Variants in IL1R1 observed in about 807,000 individuals in gnomAD.
IL1R1 encodes the protein interleukin 1 receptor type 1.
In IL1R1, 22 loss-of-function variants were observed where a neutral mutation model predicts 50.2. The ratio of observed to expected loss-of-function variants is 0.44; its 90% CI spans 0.31 to 0.63. The LOEUF (loss-of-function observed/expected upper bound fraction) is 0.63. Among genes scored for constraint, IL1R1 ranks in the 20% least tolerant of loss-of-function variants. IL1R1 has a pLI of 0.07. For missense variants in IL1R1, 509 were observed against 676.2 expected (o/e 0.75, Z 2.74); for synonymous variants, 251 against 236.7 (o/e 1.06, Z -0.55).
chr2:102,165,175 C>A lies in IL1R1; in HGVS notation c.357C>A (p.Asn119Lys). 6.3e-7 allele frequency: 1 copy of A among 1,595,234 alleles called. No individual in the cohort carries two copies. The highest frequency in any genetic ancestry group is 8.5e-7 in the Non-Finnish European group (1 of 1,174,970). Residue 119 changes from asparagine to lysine, a missense_variant, in exon 5 of 12, where the codon AAC becomes AAA. Asn to Lys is a moderately conservative substitution (Grantham distance 94). Transcript: ENST00000410023. ...CAAAATTTGTGGAGAATGAGCCTAA[C>A]TTATGTTATAATGCACAAGCCATAT... is the stretch of plus-strand genomic sequence containing the variant. The part of the protein sequence containing the change: ...ISAKFVENEP[N>K]LCYNAQAIFK...
rs79985999 is a variant in IL1R1, at chr2:102,165,061, A to G, written c.296+53A>G. The G allele has an allele frequency of 9.0e-4, 1,413 of 1,563,018 alleles. 9 individuals are homozygous for G. In the African/African-American group the frequency reaches 0.018, roughly 19 times the overall value. ...CATGTTCTAGTTTCCTGCAGTTGTT[A>G]AGGACAGAAATACTTTTAATAATGC... On this transcript the variant is annotated intron_variant, in intron 4 of 11. Transcript: ENST00000410023.
chr2:102,153,417 C>T (rs1217119565), intron 1 of IL1R1, among the ~76,000 whole-genome samples: 2 of 152,150 alleles, frequency 1.3e-5, no homozygotes, highest in African/African-American at 2.4e-5. Flanking sequence ...TGAAAGTATC[C>T]TTTCCCCAAG....
intron 1 of IL1R1, among the ~76,000 whole-genome samples, chr2:102,110,190 T>C (rs13020401): frequency 0.28 from 42,456 of 151,998 alleles, 6,824 homozygotes; most frequent in African/African-American, 0.45. Flanking sequence ...ACTCATAGTG[T>C]GCACCATTCT....
At chr2:102,134,627 C>T (rs969307248) in intron 1 of IL1R1, among the ~76,000 whole-genome samples, 34 of 152,156 alleles carry the variant, frequency 2.2e-4, no homozygotes, top group Non-Finnish European at 4.9e-4. Flanking sequence ...ATCCGTCCAC[C>T]TCGGCCTCCA....
chr2:102,116,742 G>T (rs1285114894), intron 1 of IL1R1, among the ~76,000 whole-genome samples: 5 of 152,330 alleles, frequency 3.3e-5, no homozygotes, highest in African/African-American at 1.2e-4. Flanking sequence ...ATCCACCCGT[G>T]CTGAAAACCT....
chr2:102,152,099 C>T (rs1241820646), intron 1 of IL1R1, among the ~76,000 whole-genome samples: 1 of 152,002 alleles, frequency 6.6e-6, no homozygotes, highest in Non-Finnish European at 1.5e-5. Flanking sequence ...GAGCAGTGAG[C>T]TTAGAGGGCA....
At chr2:102,087,334 A>T (rs1679472953) in intron 1 of IL1R1, among the ~76,000 whole-genome samples, 1 of 152,222 alleles carries the variant, frequency 6.6e-6, no homozygotes, top group Admixed American at 6.5e-5. Flanking sequence ...TGCCACAGCG[A>T]TCAACTCTTC....
chr2:102,162,681 G>GTA (rs1283209505), intron 3 of IL1R1, among the ~76,000 whole-genome samples: 2 of 151,860 alleles, frequency 1.3e-5, no homozygotes, highest in East Asian at 1.9e-4. Context: ...AAAGTTAAGA[G>GTA]TATATACCCA....
intron 3 of IL1R1, among the ~76,000 whole-genome samples, chr2:102,160,791 C>G (rs1684648507): frequency 6.6e-6 from 1 of 152,162 alleles, no homozygotes; most frequent in Admixed American, 6.5e-5. Flanking sequence ...AGATGCTGGC[C>G]TAGGCTTTCC....
intron 1 of IL1R1, among the ~76,000 whole-genome samples, chr2:102,121,504 T>G (rs1374770986): frequency 6.6e-6 from 1 of 152,192 alleles, no homozygotes; most frequent in Non-Finnish European, 1.5e-5. Flanking sequence ...GCTGAGCTCT[T>G]GCCTTCCTTC....
intron 1 of IL1R1, among the ~76,000 whole-genome samples, chr2:102,095,570 T>C (rs943446245): frequency 6.6e-6 from 1 of 152,220 alleles, no homozygotes; most frequent in African/African-American, 2.4e-5. Context: ...TAGAACATAA[T>C]TGGCATCTTT....
At chr2:102,128,774 G>A (rs2104410519) in intron 1 of IL1R1, among the ~76,000 whole-genome samples, 1 of 152,310 alleles carries the variant, frequency 6.6e-6, no homozygotes, top group South Asian at 2.1e-4. Context: ...TGGTAGAACA[G>A]TAAAAGGCAG....
At chr2:102,107,737 G>A (rs190740857) in intron 1 of IL1R1, among the ~76,000 whole-genome samples, 2 of 152,180 alleles carry the variant, frequency 1.3e-5, no homozygotes, top group African/African-American at 2.4e-5. Context: ...AAATCTGCTG[G>A]TTTCCAGTTC....
chr2:102,148,284 G>A (rs114698808), intron 1 of IL1R1, among the ~76,000 whole-genome samples: 1 of 152,188 alleles, frequency 6.6e-6, no homozygotes, highest in Non-Finnish European at 1.5e-5. Context: ...GGAAGTTCCT[G>A]GGTGGGCTCT....
chr2:102,077,434 C>G (rs2104279434), intron 1 of IL1R1, among the ~76,000 whole-genome samples: 1 of 152,308 alleles, frequency 6.6e-6, no homozygotes, highest in East Asian at 1.9e-4. Flanking sequence ...TGTGTTTTCT[C>G]AAATCTAAGA....
upstream of IL1R1, among the ~76,000 whole-genome samples, chr2:102,101,150 G>A (rs1340212119): frequency 6.6e-6 from 1 of 152,172 alleles, no homozygotes; most frequent in African/African-American, 2.4e-5. Context: ...GTGGTTCTGG[G>A]GTGGGCCCTA....
At chr2:102,078,880 A>C (rs1679091537) in intron 1 of IL1R1, among the ~76,000 whole-genome samples, 1 of 152,184 alleles carries the variant, frequency 6.6e-6, no homozygotes, top group Non-Finnish European at 1.5e-5. Flanking sequence ...GCTATAAAAG[A>C]ATCATATGCC....
chr2:102,175,371 T>TA, intron 10 of IL1R1, 107 bp from the exon 11 acceptor site: 1 of 840,188 alleles, frequency 1.2e-6, no homozygotes, highest in Non-Finnish European at 2.0e-6. Context: ...TGCCATTGTA[T>TA]AAAAAAAGAT....
chr2:102,097,369 T>C (rs1029415406), intron 1 of IL1R1, among the ~76,000 whole-genome samples: 3 of 152,224 alleles, frequency 2.0e-5, no homozygotes, highest in Non-Finnish European at 4.4e-5. Context: ...TAATTGTCTG[T>C]ACCATATCAT....
Sources: gnomAD v4.1 joint callset for allele counts (sites outside exome capture counted in the v4.1 genomes callset) on GRCh38, gnomAD v4.1.1 for gene constraint, MANE v1.5 for transcripts, NCBI Gene and HGNC (gene_info 2026-07-23, HGNC 2026-07-21) for gene names.